The following TNR variants were observed in gnomAD, a reference collection of about 807,000 sequenced individuals.
TNR encodes tenascin R.
TNR carries 45 observed loss-of-function variants against 150.4 expected under a neutral mutation model. That is an observed-to-expected ratio of 0.30 (90% CI 0.24 to 0.38). TNR has a LOEUF of 0.38. TNR is among the 10% of genes least tolerant of loss of function. The pLI, the probability that TNR is intolerant of heterozygous loss-of-function variation, is 1.00. For missense variants in TNR, 1,544 were observed against 1,759.1 expected (o/e 0.88, Z 2.19); for synonymous variants, 687 against 678.4 (o/e 1.01, Z -0.20).
chr1:175,739,308 A>T (rs12117321), intron 1 of TNR, among the ~76,000 whole-genome samples: 1 of 152,068 alleles, frequency 6.6e-6, no homozygotes. Context: ...ATTCTAATTT[A>T]CTGATTAATC....
At chr1:175,575,742 C>T (rs748539822) in intron 1 of TNR, among the ~76,000 whole-genome samples, 1 of 152,098 alleles carries the variant, frequency 6.6e-6, no homozygotes, top group East Asian at 1.9e-4. Context: ...GGAGAGAGCC[C>T]GCACCACAGT....
intron 1 of TNR, chr1:175,556,525 C>G (rs1661166228): frequency 6.6e-6 from 1 of 152,168 alleles, no homozygotes; most frequent in Admixed American, 6.5e-5. Context: ...CCTGTCCTGT[C>G]TTCAAGCAGG....
chr1:175,718,937 A>G (rs1179915318), intron 1 of TNR, among the ~76,000 whole-genome samples: 1 of 152,220 alleles, frequency 6.6e-6, no homozygotes, highest in Non-Finnish European at 1.5e-5. Flanking sequence ...GAGTTCTACC[A>G]GCAAGGACGT....
At position 175,391,381 on chromosome 1, in the gene TNR, T is replaced by G; in HGVS notation, c.1414A>C (p.Thr472Pro). The stretch of plus-strand genomic sequence containing the variant: ...TATTCCTCCCCAGGCTTTAGTCCTG[T>G]CTGGTTAAAGGACGTAACATCGCTG... ...VPSDVTSFNQTGLKPGEEYIV... is the reference protein window; with the variant it reads ...VPSDVTSFNQPGLKPGEEYIV... Residue 472 changes from threonine to proline, a missense_variant, in exon 7 of 23, where the codon ACA becomes CCA. Thr to Pro is a conservative substitution (Grantham distance 38). This residue lies in a region of TNR where 1,254 missense variants were observed against 1,329.4 expected (regional missense o/e 0.94). Coordinates refer to ENST00000367674, the MANE Select transcript of TNR (RefSeq NM_003285.3). 6.2e-7 allele frequency: 1 copy of G among 1,614,162 alleles called. No individual in the cohort carries two copies. Among genetic ancestry groups the G allele is most frequent in the Non-Finnish European group, 8.5e-7 (1 of 1,180,030 alleles).
At chr1:175,735,683 G>A (rs890564434) in intron 1 of TNR, among the ~76,000 whole-genome samples, 2 of 152,126 alleles carry the variant, frequency 1.3e-5, no homozygotes, top group Non-Finnish European at 2.9e-5. Context: ...GTGGTTGTTA[G>A]ATGTTCTTCT....
chr1:175,572,556 T>C (rs977795261), intron 1 of TNR, among the ~76,000 whole-genome samples: 1 of 152,094 alleles, frequency 6.6e-6, no homozygotes, highest in Admixed American at 6.5e-5. Flanking sequence ...CAGTCAATCA[T>C]AATGGGCACT....
At chr1:175,712,558 A>G (rs762364201) in intron 1 of TNR, among the ~76,000 whole-genome samples, 8 of 152,174 alleles carry the variant, frequency 5.3e-5, no homozygotes, top group Non-Finnish European at 1.2e-4. Context: ...CCCAAATCTC[A>G]TATTGAATTA....
intron 21 of TNR, among the ~76,000 whole-genome samples, chr1:175,326,587 C>A (rs1166384524): frequency 6.6e-6 from 1 of 151,614 alleles, no homozygotes; most frequent in Admixed American, 6.6e-5. Flanking sequence ...TTAACCCCAC[C>A]ATCTGCAACT....
At chr1:175,328,697 G>A (rs1046648821) in intron 21 of TNR, among the ~76,000 whole-genome samples, 10 of 152,128 alleles carry the variant, frequency 6.6e-5, no homozygotes, top group South Asian at 2.1e-4. Context: ...TGAGAATAGC[G>A]CACAGTCCAA....
chr1:175,573,589 T>G (rs558117064), intron 1 of TNR, among the ~76,000 whole-genome samples: 1 of 152,314 alleles, frequency 6.6e-6, no homozygotes, highest in South Asian at 2.1e-4. Context: ...GGGCAAAGAC[T>G]GTGGGATTAA....
chr1:175,546,291 C>T (rs1016148329), intron 1 of TNR, among the ~76,000 whole-genome samples: 1 of 152,130 alleles, frequency 6.6e-6, no homozygotes, highest in East Asian at 1.9e-4. Context: ...TAATGGGCAA[C>T]TTGGACATAA....
intron 2 of TNR, among the ~76,000 whole-genome samples, chr1:175,509,862 A>G (rs1214823336): frequency 6.6e-6 from 1 of 152,082 alleles, no homozygotes; most frequent in East Asian, 1.9e-4. Context: ...TTGAACTAAC[A>G]TTTTCCAAAT....
intron 1 of TNR, among the ~76,000 whole-genome samples, chr1:175,547,640 A>G (rs1660761447): frequency 7.1e-6 from 1 of 141,636 alleles, no homozygotes; most frequent in African/African-American, 3.0e-5. Flanking sequence ...AAAGAAAGAG[A>G]AAGAAAGAAA....
intron 1 of TNR, among the ~76,000 whole-genome samples, chr1:175,715,172 T>C (rs1667121355): frequency 6.6e-6 from 1 of 152,160 alleles, no homozygotes; most frequent in Non-Finnish European, 1.5e-5. Context: ...AGAAGCACAG[T>C]TTGAAAATAC....
At chr1:175,468,763 C>T (rs1001932361) in intron 2 of TNR, among the ~76,000 whole-genome samples, 1 of 152,124 alleles carries the variant, frequency 6.6e-6, no homozygotes, top group Non-Finnish European at 1.5e-5. Flanking sequence ...TTCAGTGTGG[C>T]TGGAGCCTGA....
At chr1:175,591,555 A>G (rs1453793959) in intron 1 of TNR, among the ~76,000 whole-genome samples, 1 of 152,182 alleles carries the variant, frequency 6.6e-6, no homozygotes, top group Admixed American at 6.5e-5. Context: ...AAGGGAAGGG[A>G]AGAGGCTGCA....
intron 13 of TNR, 130 bp from the exon 14 acceptor site, chr1:175,362,939 G>GT: frequency 8.9e-7 from 1 of 1,127,348 alleles, no homozygotes; most frequent in South Asian, 1.5e-5. Flanking sequence ...ATGATACATG[G>GT]TTCATGGGCT....
intron 2 of TNR, among the ~76,000 whole-genome samples, chr1:175,447,467 A>G (rs859460): frequency 0.72 from 110,093 of 152,100 alleles, 40,971 homozygotes; most frequent in African/African-American, 0.89. Context: ...GTTTATGGCT[A>G]GCACGTTTGG....
intron 1 of TNR, among the ~76,000 whole-genome samples, chr1:175,586,711 T>C (rs1416638601): frequency 2.0e-5 from 3 of 152,186 alleles, no homozygotes; most frequent in African/African-American, 7.2e-5. Flanking sequence ...GCCATCTTCA[T>C]TAGAGTATGT....
Sources: gnomAD v4.1 joint callset for allele counts (sites outside exome capture counted in the v4.1 genomes callset) on GRCh38, gnomAD v4.1.1 for gene constraint, gnomAD v4.1.1 regional missense constraint, MANE v1.5 for transcripts, NCBI Gene and HGNC (gene_info 2026-07-23, HGNC 2026-07-21) for gene names.